RAD51AP2: variants seen among roughly 807,000 people sequenced by gnomAD.
RAD51AP2 encodes RAD51-associated protein 2.
RAD51AP2 carries 67 observed loss-of-function variants against 85.5 expected under a neutral mutation model. That is an observed-to-expected ratio of 0.78 (90% CI 0.64 to 0.96). The LOEUF is 0.96. Ranked by LOEUF, RAD51AP2 falls within the 40% of genes least tolerant of loss-of-function variation. RAD51AP2 has a pLI of 0.00. For synonymous variants in RAD51AP2, 474 were observed against 446.5 expected (o/e 1.06, Z -0.78); for missense variants, 1,307 against 1,332.4 (o/e 0.98, Z 0.30).
Position 17,515,865 on chromosome 2 carries a change from G to A in RAD51AP2, c.2551C>T (p.His851Tyr). Reference protein sequence around the residue: ...AESLTNSCQVHKDTKIEKEEK... With the variant: ...AESLTNSCQVYKDTKIEKEEK... ...TCCTTTTCTATCTTAGTATCTTTGTGAACTTGGCAACTATTTGTTAAACTT... is the reference window on the plus strand; with the variant it reads ...TCCTTTTCTATCTTAGTATCTTTGTAAACTTGGCAACTATTTGTTAAACTT... The change falls in exon 1 of 3, where the codon CAC (histidine) becomes TAC (tyrosine). Residue 851 changes from histidine (H) to tyrosine (Y), a missense_variant. By Grantham distance (83) the His-to-Tyr change is moderately conservative. Around this residue, in one of 3 missense-constraint regions of RAD51AP2, gnomAD observed 668 missense variants for 671.0 expected, o/e 1.00. Coordinates refer to ENST00000399080, the MANE Select transcript of RAD51AP2 (RefSeq NM_001099218.3). 6.2e-7 allele frequency: 1 copy of A among 1,608,496 alleles called. No homozygotes were observed. The highest frequency in any genetic ancestry group is 8.5e-7 in the Non-Finnish European group (1 of 1,178,102).
the RAD51AP2 span, among the ~76,000 whole-genome samples, chr2:17,528,514 A>G: frequency 6.6e-6 from 1 of 152,188 alleles, no homozygotes; most frequent in Non-Finnish European, 1.5e-5. Context: ...AGCTATGATC[A>G]GTTTCAGGGA....
chr2:17,514,309 G>A (rs1192187195), intron 1 of RAD51AP2, among the ~76,000 whole-genome samples: 3 of 152,138 alleles, frequency 2.0e-5, no homozygotes, highest in Non-Finnish European at 4.4e-5. Context: ...TGAGAAAATA[G>A]TGTGCACCCA....
At chr2:17,525,892 C>T in the RAD51AP2 span, among the ~76,000 whole-genome samples, 5 of 152,004 alleles carry the variant, frequency 3.3e-5, no homozygotes, top group Non-Finnish European at 7.4e-5. Flanking sequence ...AAGGCAGCAG[C>T]TGGGCTTGGA....
chr2:17,517,970 T>C lies in RAD51AP2; in HGVS notation c.446A>G (p.Asn149Ser), dbSNP rs1421764439. The C allele has an allele frequency of 5.0e-6, 8 of 1,614,198 alleles. No individual in the cohort carries two copies. Among genetic ancestry groups the C allele is most frequent in the Non-Finnish European group, 5.9e-6 (7 of 1,180,028 alleles). Residue 149 changes from asparagine (N) to serine (S), a missense_variant, in exon 1 of 3, where the codon AAT becomes AGT. Transcript: ENST00000399080. ...DREAFSVHRS[N>S]SSKAGVSQLL... ...TTGACTAACCCCTGCTTTGGAGCTA[T>C]TACTGCGGTGCACACTGAAAGCCTC...
Position 17,516,535 on chromosome 2 carries a change from T to C in RAD51AP2, c.1881A>G (p.Ala627=). 2 of 1,556,156 alleles carry C rather than the reference T, an allele frequency of 1.3e-6. No homozygotes were observed. The highest frequency in any genetic ancestry group is 8.8e-7 in the Non-Finnish European group (1 of 1,137,454). ...YPKNIVENHT[A]YLVKILTSSR... ...AAGAAGTTAAAATCTTTACTAGATA[T>C]GCAGTATGATTTTCCACTATATTTT... Residue 627 remains alanine (A), a synonymous_variant, in exon 1 of 3, where the codon GCA becomes GCG. Transcript: ENST00000399080.
the RAD51AP2 span, among the ~76,000 whole-genome samples, chr2:17,527,908 G>T: frequency 6.6e-6 from 1 of 152,124 alleles, no homozygotes; most frequent in Admixed American, 6.5e-5. Context: ...AAATGATTTG[G>T]CATGGTTATG....
At chr2:17,530,866 T>C in the RAD51AP2 span, among the ~76,000 whole-genome samples, 1 of 152,204 alleles carries the variant, frequency 6.6e-6, no homozygotes, top group African/African-American at 2.4e-5. Flanking sequence ...TCATTTAAAA[T>C]GGTCCTTAAT....
chr2:17,514,278 G>T (rs1662579969), intron 1 of RAD51AP2, among the ~76,000 whole-genome samples, 186 bp from the exon 2 acceptor site: 1 of 152,020 alleles, frequency 6.6e-6, no homozygotes, highest in African/African-American at 2.4e-5. Flanking sequence ...GTATATTATT[G>T]AACATTTGAA....
At position 17,515,493 on chromosome 2, in the gene RAD51AP2, G is replaced by A. The variant is rs767122499; in HGVS notation, c.2923C>T (p.Leu975Phe). The A allele has an allele frequency of 1.2e-5, 19 of 1,613,096 alleles. No individual in the cohort carries two copies. Among genetic ancestry groups the A allele is most frequent in the Admixed American group, 8.3e-5 (5 of 59,900 alleles). Reference protein sequence around the residue: ...KRKFDLVLEELRMFHEISREN... With the variant: ...KRKFDLVLEEFRMFHEISREN... ...CTACTAATTTCATGAAACATACGAA[G>A]TTCTTCAAGTACTAAGTCAAATTTT... Residue 975 changes from leucine to phenylalanine, a missense_variant, in exon 1 of 3, where the codon CTT (leucine) becomes TTT (phenylalanine). By Grantham distance (22) the Leu-to-Phe change is conservative. Transcript: ENST00000399080.
At position 17,516,104 on chromosome 2, in the gene RAD51AP2, T is replaced by C. The variant is rs751948651; in HGVS notation, c.2312A>G (p.His771Arg). The C allele has an allele frequency of 3.1e-6, 5 of 1,612,428 alleles. No homozygotes were observed. In the South Asian group the frequency reaches 5.5e-5, roughly 18 times the overall value. The change falls in exon 1 of 3, where the codon CAT (histidine) becomes CGT (arginine). Residue 771 changes from histidine to arginine, a missense_variant. Around this residue, in one of 3 missense-constraint regions of RAD51AP2, gnomAD observed 668 missense variants for 671.0 expected, o/e 1.00. Coordinates refer to ENST00000399080, the MANE Select transcript of RAD51AP2 (RefSeq NM_001099218.3). ...QDLNMERKQG[H>R]NKISNFDCEH... ...ACAGTCAAAGTTACTGATCTTATTA[T>C]GTCCCTGTTTTCTTTCCATATTTAA... is the stretch of plus-strand genomic sequence containing the variant.
At chr2:17,530,437 C>G in the RAD51AP2 span, among the ~76,000 whole-genome samples, 5 of 151,766 alleles carry the variant, frequency 3.3e-5, no homozygotes, top group African/African-American at 1.2e-4. Flanking sequence ...ACAGATTAGC[C>G]AGGTGTGGTG....
chr2:17,531,264 AT>A, the RAD51AP2 span, among the ~76,000 whole-genome samples: 1 of 152,106 alleles, frequency 6.6e-6, no homozygotes, highest in Non-Finnish European at 1.5e-5. Context: ...CAACAAAGTA[AT>A]TTTTTCCTAG....
chr2:17,518,360 G>GT lies in RAD51AP2; in HGVS notation c.55_56insA (p.Ser19TyrfsTer6), dbSNP rs749610640. On this transcript the variant is annotated frameshift_variant, in exon 1 of 3. Coordinates refer to ENST00000399080, the MANE Select transcript of RAD51AP2 (RefSeq NM_001099218.3). LOFTEE classifies it high-confidence loss of function. ...ATCCGGGTCCTCAGGAGGCGTTAAA[G>GT]AGGAGGTAGGCTTTCTGAGCTCGGC... 1 of 1,613,964 alleles carries GT rather than the reference G, an allele frequency of 6.2e-7. No individual in the cohort carries two copies.
chr2:17,515,810 T>C lies in RAD51AP2; in HGVS notation c.2606A>G (p.Asp869Gly), dbSNP rs1425596354. The C allele has an allele frequency of 1.9e-6, 3 of 1,605,850 alleles. No homozygotes were observed. Among genetic ancestry groups the C allele is most frequent in the African/African-American group, 2.7e-5 (2 of 74,804 alleles). Residue 869 changes from aspartate to glycine, a missense_variant, in exon 1 of 3, where the codon GAC becomes GGC. Physicochemically the swap from Asp to Gly is moderately conservative, Grantham distance 94 (BLOSUM62 -1). Coordinates refer to ENST00000399080, the MANE Select transcript of RAD51AP2 (RefSeq NM_001099218.3). ...EEKDSFFPMD[D>G]MFSVQSVSLI... The stretch of plus-strand genomic sequence containing the variant: ...TGAAACTGACTGTACAGAAAACATG[T>C]CATCCATTGGAAAAAAACTATCTTT...
In RAD51AP2 at chr2:17,510,733, A is replaced by T. The variant is rs1026540562; in HGVS notation, c.*71T>A. Reference sequence around the variant, plus strand: ...TAATAAAGCAAGCCCCAAACCCCCAAGCTGGAAGAACATATATCCAAAGAA... The same window carrying T: ...TAATAAAGCAAGCCCCAAACCCCCATGCTGGAAGAACATATATCCAAAGAA... On this transcript the variant is annotated 3_prime_UTR_variant, in exon 3 of 3. Transcript: ENST00000399080. The T allele has an allele frequency of 3.6e-6, 4 of 1,107,854 alleles. No homozygotes were observed. The African/African-American group carries it at 4.8e-5, about 13-fold the overall frequency. 68.6% of individuals were successfully genotyped at this position (1,107,854 alleles called of 1,614,324 possible).
rs752712085 is a variant in RAD51AP2 at position 17,515,765 on chromosome 2, T to A, written c.2651A>T (p.Asn884Ile). ...ATTAACATATTTATTTTCTTCCACA[T>A]TTACTTCCTTACTTATTAATGAAAC... ...QSVSLISKEV[N>I]VEENKYVNQN... The change falls in exon 1 of 3, where the codon AAT (asparagine) becomes ATT (isoleucine). Residue 884 changes from asparagine (N) to isoleucine (I), a missense_variant. Around this residue, in one of 3 missense-constraint regions of RAD51AP2, gnomAD observed 668 missense variants for 671.0 expected, o/e 1.00. Coordinates refer to ENST00000399080, the MANE Select transcript of RAD51AP2 (RefSeq NM_001099218.3). The A allele has an allele frequency of 3.1e-5, 49 of 1,596,220 alleles. No homozygotes were observed. The highest frequency in any genetic ancestry group is 4.0e-5 in the Non-Finnish European group (47 of 1,170,570).
Position 17,515,740 on chromosome 2 carries a change from A to C in RAD51AP2, c.2676T>G (p.Asn892Lys). Reference protein sequence around the residue: ...EVNVEENKYVNQNYVTNTNEY... With the variant: ...EVNVEENKYVKQNYVTNTNEY... ...CATTTGTATTTGTTACATAATTTTG[A>C]TTAACATATTTATTTTCTTCCACAT... Residue 892 changes from asparagine (N) to lysine (K), a missense_variant, in exon 1 of 3, where the codon AAT becomes AAG. By Grantham distance (94) the Asn-to-Lys change is moderately conservative. This residue lies in a region of RAD51AP2 where 668 missense variants were observed against 671.0 expected (regional missense o/e 1.00). Transcript: ENST00000399080. 6.3e-7 allele frequency: 1 copy of C among 1,597,168 alleles called. No individual in the cohort carries two copies. Among genetic ancestry groups the C allele is most frequent in the Non-Finnish European group, 8.5e-7 (1 of 1,171,446 alleles).
At chr2:17,529,751 T>C in the RAD51AP2 span, among the ~76,000 whole-genome samples, 2 of 152,228 alleles carry the variant, frequency 1.3e-5, no homozygotes, top group Non-Finnish European at 2.9e-5. Context: ...GAAGTATTCA[T>C]GGGATTTAAA....
At chr2:17,519,952 T>C (rs1157222639), upstream of RAD51AP2, among the ~76,000 whole-genome samples, 3 of 152,340 alleles carry the variant, frequency 2.0e-5, no homozygotes, top group African/African-American at 7.2e-5. Context: ...TAAATGCCAT[T>C]GATTGTGATT....
Sources: gnomAD v4.1 joint callset for allele counts (sites outside exome capture counted in the v4.1 genomes callset) on GRCh38, gnomAD v4.1.1 for gene constraint, gnomAD v4.1.1 regional missense constraint, MANE v1.5 for transcripts, NCBI Gene and HGNC (gene_info 2026-07-23, HGNC 2026-07-21) for gene names.